The following ASCC3 variants were observed in gnomAD, a reference collection of about 807,000 sequenced individuals.
ASCC3 encodes the protein ASC-1 complex subunit P200.
A neutral mutation model predicts 256.3 loss-of-function variants in ASCC3; 158 were observed. The observed-to-expected ratio is 0.62, with a 90% CI of 0.54 to 0.70. The LOEUF (loss-of-function observed/expected upper bound fraction) is 0.70, where lower values mean the gene tolerates loss of function less well. ASCC3 is among the 30% of genes least tolerant of loss of function. The pLI is 0.00. For missense variants in ASCC3, 2,259 were observed against 2,626.0 expected (o/e 0.86, Z 3.05); for synonymous variants, 948 against 883.4 (o/e 1.07, Z -1.30).
intron 13 of ASCC3, among the ~76,000 whole-genome samples, chr6:100,688,968 C>G (rs997769908): frequency 2.0e-5 from 3 of 152,176 alleles, no homozygotes; most frequent in African/African-American, 7.2e-5. Flanking sequence ...CTCTAAAGTT[C>G]TTCATTATTG....
chr6:100,841,836 A>G (rs768568886), intron 4 of ASCC3, among the ~76,000 whole-genome samples: 1 of 152,158 alleles, frequency 6.6e-6, no homozygotes, highest in African/African-American at 2.4e-5. Flanking sequence ...CAAAAGAAAT[A>G]ATTTACAAGA....
At chr6:100,702,625 G>A (rs117707231) in intron 13 of ASCC3, among the ~76,000 whole-genome samples, 2,343 of 152,162 alleles carry the variant, frequency 0.015, 24 homozygotes, top group East Asian at 0.045. Context: ...GCCTGGTAGA[G>A]AAGGAAAATG....
intron 25 of ASCC3, among the ~76,000 whole-genome samples, chr6:100,634,030 A>G (rs1384517246): frequency 1.3e-5 from 2 of 152,180 alleles, no homozygotes; most frequent in Non-Finnish European, 2.9e-5. Context: ...TGTTTTTTAA[A>G]TTTTAGTACA....
chr6:100,648,435 A>G (rs1243521959), intron 20 of ASCC3, among the ~76,000 whole-genome samples: 1 of 152,096 alleles, frequency 6.6e-6, no homozygotes, highest in East Asian at 1.9e-4. Context: ...AAGATTTCAA[A>G]TGGCAGACAA....
intron 30 of ASCC3, among the ~76,000 whole-genome samples, chr6:100,607,808 A>T (rs1772980331): frequency 1.3e-5 from 2 of 151,386 alleles, no homozygotes; most frequent in Non-Finnish European, 3.0e-5. Flanking sequence ...AAAACTCTGA[A>T]TATTATTTAA....
Position 100,837,945 on chromosome 6 carries a change from T to C in ASCC3, c.801+10203A>G, listed in dbSNP as rs202082592. Among the ~76,000 whole-genome samples the C allele has an allele frequency of 2.0e-5, 3 of 152,130 alleles. No individual in the cohort carries two copies. The East Asian group carries it at 5.8e-4, about 29-fold the overall frequency. ...TCATGGTTATGCTAAACACTCTGAT[T>C]TGATTTTTAAACAATGTATACATGT... is the stretch of plus-strand genomic sequence containing the variant. On this transcript the variant is annotated intron_variant, in intron 4 of 41. Transcript: ENST00000369162.
intron 30 of ASCC3, among the ~76,000 whole-genome samples, chr6:100,624,740 G>C (rs1421437702): frequency 6.6e-6 from 1 of 151,612 alleles, no homozygotes; most frequent in Non-Finnish European, 1.5e-5. Context: ...GTTGCATAAT[G>C]GAATATAACT....
intron 10 of ASCC3, among the ~76,000 whole-genome samples, chr6:100,753,988 C>T (rs1440823258): frequency 1.3e-5 from 2 of 152,220 alleles, no homozygotes; most frequent in East Asian, 3.9e-4. Context: ...AAGAGTTCAT[C>T]ATCAATTTTA....
chr6:100,719,932 C>T (rs1270175220), intron 11 of ASCC3, among the ~76,000 whole-genome samples: 3 of 151,804 alleles, frequency 2.0e-5, no homozygotes, highest in East Asian at 1.9e-4. Context: ...CCAAATTTCT[C>T]CCAATCATGC....
intron 34 of ASCC3, among the ~76,000 whole-genome samples, chr6:100,596,083 C>T (rs1772280783): frequency 6.6e-6 from 1 of 151,806 alleles, no homozygotes; most frequent in African/African-American, 2.4e-5. Context: ...TGGTCTATAC[C>T]TTTCGTTTTG....
chr6:100,668,675 T>C (rs996234703), intron 14 of ASCC3, among the ~76,000 whole-genome samples: 2 of 151,900 alleles, frequency 1.3e-5, no homozygotes, highest in African/African-American at 2.4e-5. Context: ...AGTAAAGAAC[T>C]TTAGAAAACA....
At chr6:100,810,720 G>C (rs1770421135) in intron 4 of ASCC3, among the ~76,000 whole-genome samples, 1 of 152,140 alleles carries the variant, frequency 6.6e-6, no homozygotes, top group Admixed American at 6.6e-5. Context: ...ACAGGATGAA[G>C]ATTAAGTTTT....
chr6:100,732,819 C>T (rs1344030512), intron 10 of ASCC3, among the ~76,000 whole-genome samples: 1 of 152,144 alleles, frequency 6.6e-6, no homozygotes, highest in African/African-American at 2.4e-5. Context: ...ACTGCCACAA[C>T]CTATACCTCA....
chr6:100,525,930 A>G (rs967990718), intron 37 of ASCC3, among the ~76,000 whole-genome samples: 3 of 152,192 alleles, frequency 2.0e-5, no homozygotes, highest in Non-Finnish European at 4.4e-5. Flanking sequence ...CAGAAGTTTT[A>G]CAATGATGGG....
At chr6:100,674,389 A>G (rs1776902960) in intron 14 of ASCC3, among the ~76,000 whole-genome samples, 1 of 152,050 alleles carries the variant, frequency 6.6e-6, no homozygotes, top group Non-Finnish European at 1.5e-5. Flanking sequence ...AAGTATACAT[A>G]TAAAGATGTA....
intron 37 of ASCC3, among the ~76,000 whole-genome samples, chr6:100,520,857 C>A (rs1022314268): frequency 1.3e-5 from 2 of 152,168 alleles, no homozygotes; most frequent in Non-Finnish European, 2.9e-5. Context: ...TCTCAGAACT[C>A]AACTCTGTTA....
intron 1 of ASCC3, among the ~76,000 whole-genome samples, chr6:100,869,421 C>T (rs1423201417): frequency 2.0e-5 from 3 of 151,978 alleles, no homozygotes; most frequent in Admixed American, 6.5e-5. Flanking sequence ...TAATCAGATA[C>T]AAAATATCTA....
chr6:100,831,563 G>T (rs1293997105), intron 4 of ASCC3, among the ~76,000 whole-genome samples: 1 of 152,094 alleles, frequency 6.6e-6, no homozygotes, highest in African/African-American at 2.4e-5. Context: ...GGAAGCCAGG[G>T]ATTAGGCATG....
intron 11 of ASCC3, among the ~76,000 whole-genome samples, chr6:100,720,378 T>C (rs1296395159): frequency 3.3e-5 from 5 of 151,924 alleles, no homozygotes; most frequent in Non-Finnish European, 5.9e-5. Context: ...AAACACATCA[T>C]AGAAGTGGCA....
Sources: allele counts gnomAD v4.1 joint callset (sites outside exome capture counted in the v4.1 genomes callset), GRCh38; gene constraint gnomAD v4.1.1; transcripts MANE v1.5; gene names NCBI Gene and HGNC (gene_info 2026-07-23, HGNC 2026-07-21).